The following HMG20B variants were observed in gnomAD, a reference collection of about 807,000 sequenced individuals.
The protein encoded by HMG20B is high mobility group 20B, also known as SWI/SNF-related matrix-associated actin-dependent regulator of chromatin subfamily E member 1-related.
A neutral mutation model predicts 41.6 loss-of-function variants in HMG20B; 24 were observed. The observed-to-expected ratio is 0.58, with a 90% CI of 0.42 to 0.81. The LOEUF is 0.81. Ranked by LOEUF, HMG20B falls within the 30% of genes least tolerant of loss-of-function variation. The pLI is 0.00. For missense variants in HMG20B, 461 were observed against 444.0 expected, an observed-to-expected ratio of 1.04 and a Z score of -0.34; for synonymous variants, 251 against 186.6, an observed-to-expected ratio of 1.34 and a Z score of -2.81.
rs1383909436 is a variant in HMG20B at position 3,572,987 on chromosome 19, C to G, written c.-26C>G. 7 of 339,812 alleles carry G rather than the reference C, an allele frequency of 2.1e-5. No homozygotes were observed. Among genetic ancestry groups the G allele is most frequent in the Non-Finnish European group, 3.8e-5 (7 of 185,966 alleles). The allele number at this position is 339,812 out of a possible 1,614,324, so 21.0% of individuals were successfully genotyped here. A position where few individuals can be genotyped will look rare whatever the true frequency, so the allele number is the denominator to read the frequency against. On this transcript the variant is annotated 5_prime_UTR_variant, in exon 1 of 10. Coordinates refer to ENST00000333651, the MANE Select transcript of HMG20B (RefSeq NM_006339.3). Reference sequence around the variant, plus strand: ...GCAGTCGGGAGGTCCGGGAAAGTTTCTTTGGAGGTGAAAACAGCCGCGGAA... The same window carrying G: ...GCAGTCGGGAGGTCCGGGAAAGTTTGTTTGGAGGTGAAAACAGCCGCGGAA...
At chr19:3,574,711 C>G (rs1390666195) in intron 4 of HMG20B, 125 bp downstream of exon 4, 1 of 818,082 alleles carries the variant, frequency 1.2e-6, no homozygotes, top group Non-Finnish European at 1.8e-6. Context: ...CCACCCATAA[C>G]CAACTTTTTT....
chr19:3,578,151 A>G (rs779926697), intron 9 of HMG20B, 38 bp downstream of exon 9: 2 of 1,598,914 alleles, frequency 1.3e-6, no homozygotes, highest in Non-Finnish European at 1.7e-6. Context: ...CCGGGGTTCA[A>G]GGCCCGGATG....
chr19:3,576,838 C>G lies in HMG20B; in HGVS notation c.593-54C>G. The G allele has an allele frequency of 3.3e-6, 5 of 1,536,924 alleles. No homozygotes were observed. The South Asian group carries it at 4.8e-5, about 15-fold the overall frequency. On this transcript the variant is annotated intron_variant, in intron 7 of 9. Transcript: ENST00000333651. ...CAGGGGCACGTCCCGGGCAAAAGCC[C>G]GGAGGTAGGGGAAAGGGGAGGCGCA...
rs753491260 is a variant in HMG20B at position 3,578,127 on chromosome 19, G to A, written c.941+14G>A. 9 of 1,607,872 alleles carry A rather than the reference G, an allele frequency of 5.6e-6. No individual in the cohort carries two copies. The highest frequency in any genetic ancestry group is 5.3e-5 in the African/African-American group (4 of 74,858). On this transcript the variant is annotated intron_variant, in intron 9 of 9. Transcript: ENST00000333651. Reference sequence around the variant, plus strand: ...CCAGGTCGCCAGGTGTGTGCCGGGCGAGGCGGGGCGGGGCCGGGGTTCAAG... The same window carrying A: ...CCAGGTCGCCAGGTGTGTGCCGGGCAAGGCGGGGCGGGGCCGGGGTTCAAG...
At chr19:3,573,835 G>C in intron 3 of HMG20B, 35 bp downstream of exon 3, 1 of 1,549,484 alleles carries the variant, frequency 6.5e-7, no homozygotes, top group Non-Finnish European at 8.8e-7. Flanking sequence ...GGGAGGCCCC[G>C]GGCTCCCGCC....
At chr19:3,573,179 C>T in intron 1 of HMG20B, 113 bp from the exon 2 acceptor site, 6 of 836,620 alleles carry the variant, frequency 7.2e-6, no homozygotes, top group African/African-American at 1.8e-5. Context: ...ATCCGGCCCC[C>T]CCAGCGCTCC....
chr19:3,573,626 T>G, intron 2 of HMG20B, 66 bp from the exon 3 acceptor site: 1 of 1,377,796 alleles, frequency 7.3e-7, no homozygotes, highest in Non-Finnish European at 9.5e-7. Flanking sequence ...CAAAACGCCC[T>G]GGGGTGGGCT....
Position 3,574,588 on chromosome 19 carries a change from TGGGCG to T in HMG20B, c.351+13_351+17del, listed in dbSNP as rs769689501. On this transcript the variant is annotated splice_donor_5th_base_variant and intron_variant, in intron 4 of 9. Coordinates refer to ENST00000333651, the MANE Select transcript of HMG20B (RefSeq NM_006339.3). ...AAGCTGCAGCCAACGGAAAAGCAGG[TGGGCG>T]GGGCGGGGCGCCGAGCAGGGCTGGC... The T allele has an allele frequency of 4.8e-5, 77 of 1,589,660 alleles. No homozygotes were observed. The highest frequency in any genetic ancestry group is 2.4e-4 in the African/African-American group (18 of 74,514).
In HMG20B at chr19:3,576,548, C is replaced by G; in HGVS notation, c.520-5C>G. 1 of 1,612,312 alleles carries G rather than the reference C, an allele frequency of 6.2e-7. No individual in the cohort carries two copies. Among genetic ancestry groups the G allele is most frequent in the Non-Finnish European group, 8.5e-7 (1 of 1,178,978 alleles). The stretch of plus-strand genomic sequence containing the variant: ...GTAAATTGCCACCTTGTCCCTTCGT[C>G]TTAGGGTGGGGACTGCGATGGCTTC... On this transcript the variant is annotated splice_polypyrimidine_tract_variant and splice_region_variant and intron_variant, in intron 6 of 9. Transcript: ENST00000333651.
At chr19:3,575,244 G>A (rs567475729) in intron 4 of HMG20B, among the ~76,000 whole-genome samples, 14 of 152,280 alleles carry the variant, frequency 9.2e-5, no homozygotes, top group African/African-American at 3.4e-4. Context: ...AAACGGGTGC[G>A]GGAGGGAGTC....
rs1328890648 is a variant in HMG20B, at chr19:3,578,563, C to T, written c.*42C>T. The stretch of plus-strand genomic sequence containing the variant: ...CGATGCAGAGGAGAAGCTGTGGGCG[C>T]GGCCCTGCCACACCCCACCCCGTGG... On this transcript the variant is annotated 3_prime_UTR_variant, in exon 10 of 10. Transcript: ENST00000333651. The T allele has an allele frequency of 1.9e-5, 29 of 1,557,300 alleles. No individual in the cohort carries two copies. The highest frequency in any genetic ancestry group is 2.7e-5 in the African/African-American group (2 of 73,338).
Position 3,572,981 on chromosome 19 carries a change from A to C in HMG20B, c.-32A>C. 14 of 297,268 alleles carry C rather than the reference A, an allele frequency of 4.7e-5. No individual in the cohort carries two copies. Among genetic ancestry groups the C allele is most frequent in the Non-Finnish European group, 5.7e-5 (9 of 158,996 alleles). The allele number at this position is 297,268 out of a possible 1,614,324, so 18.4% of individuals were successfully genotyped here. A position where few individuals can be genotyped will look rare whatever the true frequency, so the allele number is the denominator to read the frequency against. ...CGTCGCGCAGTCGGGAGGTCCGGGA[A>C]AGTTTCTTTGGAGGTGAAAACAGCC... On this transcript the variant is annotated 5_prime_UTR_variant, in exon 1 of 10. Transcript: ENST00000333651.
chr19:3,573,536 C>A, intron 2 of HMG20B, 156 bp from the exon 3 acceptor site: 3 of 893,896 alleles, frequency 3.4e-6, no homozygotes, highest in Non-Finnish European at 4.8e-6. Context: ...CCGCTTGTCC[C>A]ACCTTCCCCG....
chr19:3,575,455 G>A (rs1437109598), intron 4 of HMG20B, 85 bp from the exon 5 acceptor site: 1 of 1,536,716 alleles, frequency 6.5e-7, no homozygotes, highest in Admixed American at 2.0e-5. Context: ...GGAGAGGGGA[G>A]GGTGCTGTGA....
chr19:3,573,439 T>C, intron 2 of HMG20B, 92 bp downstream of exon 2: 3 of 1,323,360 alleles, frequency 2.3e-6, no homozygotes, highest in Non-Finnish European at 3.0e-6. Context: ...CCCGCCGGAG[T>C]CTTGACTCCC....
At chr19:3,578,255 C>A in intron 9 of HMG20B, 142 bp downstream of exon 9, 2 of 1,255,492 alleles carry the variant, frequency 1.6e-6, no homozygotes, top group South Asian at 1.5e-5. Flanking sequence ...TACCTGCGGT[C>A]GCCCCTGATG....
Position 3,577,974 on chromosome 19 carries a change from C to T in HMG20B, c.809-7C>T. 3 of 1,588,598 alleles carry T rather than the reference C, an allele frequency of 1.9e-6. No homozygotes were observed. The highest frequency in any genetic ancestry group is 2.2e-5 in the South Asian group (2 of 88,946). On this transcript the variant is annotated splice_polypyrimidine_tract_variant and splice_region_variant and intron_variant, in intron 8 of 9. Coordinates refer to ENST00000333651, the MANE Select transcript of HMG20B (RefSeq NM_006339.3). ...ACCCTCGCCTGACCTTCCCGCCTGT[C>T]CCCCAGGCACGGGCGAAACGCCCAC... is the stretch of plus-strand genomic sequence containing the variant.
Position 3,578,660 on chromosome 19 carries a change from A to G in HMG20B, c.*139A>G. 8.8e-7 allele frequency: 1 copy of G among 1,130,406 alleles called. No homozygotes were observed. Among genetic ancestry groups the G allele is most frequent in the Non-Finnish European group, 1.3e-6 (1 of 765,400 alleles). The allele number at this position is 1,130,406 out of a possible 1,614,324, so 70.0% of individuals were successfully genotyped here. ...CCTTGGGGGCTCCAGCCCCCCTAAA[A>G]TTAAATTTCTGCAGCATCCCTTTAG... On this transcript the variant is annotated 3_prime_UTR_variant, in exon 10 of 10. Transcript: ENST00000333651.
chr19:3,576,242 C>G lies in HMG20B; in HGVS notation c.473-19C>G, dbSNP rs1226718660. 3 of 1,613,092 alleles carry G rather than the reference C, an allele frequency of 1.9e-6. No homozygotes were observed. Among genetic ancestry groups the G allele is most frequent in the Non-Finnish European group, 2.5e-6 (3 of 1,179,322 alleles). ...TGGAGGCCTGGGAGGCTGACCCTGC[C>G]CTTCCCCTCCCCCGCCAGAAGACTC... On this transcript the variant is annotated intron_variant, in intron 5 of 9. Coordinates refer to ENST00000333651, the MANE Select transcript of HMG20B (RefSeq NM_006339.3).
Sources: gnomAD v4.1 joint callset for allele counts (sites outside exome capture counted in the v4.1 genomes callset) on GRCh38, gnomAD v4.1.1 for gene constraint, MANE v1.5 for transcripts, NCBI Gene and HGNC (gene_info 2026-07-23, HGNC 2026-07-21) for gene names.